BRF1: variants seen among roughly 807,000 people sequenced by gnomAD.
The protein encoded by BRF1 is transcription factor IIIB 90 kDa subunit.
Under a neutral mutation model 81.7 loss-of-function variants are expected in BRF1, and 59 were observed. The ratio of observed to expected loss-of-function variants is 0.72; its 90% CI spans 0.59 to 0.90. The LOEUF is 0.90. Among genes scored for constraint, BRF1 ranks in the 40% least tolerant of loss-of-function variants. The pLI, the probability that BRF1 is intolerant of heterozygous loss-of-function variation, is 0.00. For synonymous variants in BRF1, 491 were observed against 395.6 expected (o/e 1.24, Z -2.86); for missense variants, 1,050 against 936.3 (o/e 1.12, Z -1.58).
upstream of BRF1, among the ~76,000 whole-genome samples, chr14:105,302,366 G>A (rs2058065871): frequency 1.3e-5 from 2 of 151,460 alleles, no homozygotes. Flanking sequence ...ACCACACCTG[G>A]CTAATTTTGT....
Position 105,310,268 on chromosome 14 carries a change from C to T in BRF1, c.-162+5054G>A, listed in dbSNP as rs140259121. Among the ~76,000 whole-genome samples the T allele has an allele frequency of 4.4e-3, 669 of 150,980 alleles. 9 individuals are homozygous for T. The highest frequency in any genetic ancestry group is 0.015 in the African/African-American group (632 of 41,154). On this transcript the variant is annotated intron_variant, in intron 1 of 17. Coordinates refer to the BRF1 transcript ENST00000327359. ...CTAGTGAGCCAGGCACAGTGGCTCA[C>T]GCCTGTAATCCCAGCACTTTGGGAG...
intron 1 of BRF1, 84 bp downstream of exon 1, chr14:105,300,362 G>C (rs2057954977): frequency 7.4e-7 from 1 of 1,351,408 alleles, no homozygotes; most frequent in Non-Finnish European, 9.6e-7. Flanking sequence ...GTACCGAGGC[G>C]CTGGTCCCGG....
intron 4 of BRF1, among the ~76,000 whole-genome samples, chr14:105,253,983 T>C (rs1265688233): frequency 6.6e-6 from 1 of 152,218 alleles, no homozygotes; most frequent in Admixed American, 6.5e-5. Context: ...ACGCATGTCA[T>C]GTATGAGTGC....
chr14:105,281,779 C>G (rs1423605135), intron 2 of BRF1, among the ~76,000 whole-genome samples: 3 of 150,628 alleles, frequency 2.0e-5, no homozygotes, highest in Non-Finnish European at 4.4e-5. Flanking sequence ...CTATATGATT[C>G]CCACTGTATG....
chr14:105,227,389 C>T (rs975312389), intron 7 of BRF1: 36 of 152,610 alleles, frequency 2.4e-4, no homozygotes, highest in African/African-American at 8.4e-4. Context: ...CACTGTACTC[C>T]AGCCTGGGCG....
intron 15 of BRF1, among the ~76,000 whole-genome samples, chr14:105,215,160 T>C (rs945025758): frequency 2.6e-5 from 4 of 152,130 alleles, no homozygotes; most frequent in African/African-American, 9.7e-5. Context: ...CAGATGTGTG[T>C]GCACACAGAC....
At chr14:105,251,599 T>C (rs2140302619) in intron 5 of BRF1, among the ~76,000 whole-genome samples, 1 of 151,916 alleles carries the variant, frequency 6.6e-6, no homozygotes, top group African/African-American at 2.4e-5. Flanking sequence ...ATGGGCCGAG[T>C]GTATAGCCTC....
Position 105,257,117 on chromosome 14 carries a change from A to G in BRF1, c.440-568T>C, listed in dbSNP as rs76237882. On this transcript the variant is annotated intron_variant, in intron 3 of 17. Transcript: ENST00000547530. The stretch of plus-strand genomic sequence containing the variant: ...AGAGACAGGTGTGGGGACCCCGCAC[A>G]GGACCTGTCTTCGCTCAGATGAACA... Among the ~76,000 whole-genome samples the G allele has an allele frequency of 5.2e-4, 79 of 152,312 alleles. 3 individuals are homozygous for G. The East Asian group carries it at 0.015, about 28-fold the overall frequency.
At chr14:105,217,165 G>C (rs1891462575) in intron 15 of BRF1, 2 of 335,502 alleles carry the variant, frequency 6.0e-6, no homozygotes, top group Non-Finnish European at 1.1e-5. Context: ...CCTCAGCAGA[G>C]ACGGCAATGC....
Position 105,209,668 on chromosome 14 carries a change from GCT to G in BRF1, c.*881_*882del. On this transcript the variant is annotated 3_prime_UTR_variant, in exon 18 of 18. Coordinates refer to ENST00000547530, the MANE Select transcript of BRF1 (RefSeq NM_001519.4). ...CCTCCTCGATGGGGGGCCTGATCCA[GCT>G]CTGACAGGGAGCGCCACTGCCCTCT... 1 of 670,030 alleles carries G rather than the reference GCT, an allele frequency of 1.5e-6. No individual in the cohort carries two copies. The highest frequency in any genetic ancestry group is 2.7e-6 in the Non-Finnish European group (1 of 367,436). The allele number at this position is 670,030 out of a possible 1,614,324, so 41.5% of individuals were successfully genotyped here. A position where few individuals can be genotyped will look rare whatever the true frequency, so the allele number is the denominator to read the frequency against.
In BRF1 at chr14:105,228,992, C is replaced by T. The variant is rs1882847; in HGVS notation, c.695-79G>A. 3.0e-3 allele frequency: 3,927 copies of T among 1,298,396 alleles called. 9 individuals are homozygous for T. The highest frequency in any genetic ancestry group is 3.2e-3 in the Non-Finnish European group (2,875 of 900,810). 80.4% of individuals were successfully genotyped at this position (1,298,396 alleles called of 1,614,324 possible). ...TCTGTGGCGGCCCAGGACAACACTGCGGATCCCGGTCACGGAGATGATGGC... is the reference window on the plus strand; with the variant it reads ...TCTGTGGCGGCCCAGGACAACACTGTGGATCCCGGTCACGGAGATGATGGC... On this transcript the variant is annotated intron_variant, in intron 6 of 17. Coordinates refer to ENST00000547530, the MANE Select transcript of BRF1 (RefSeq NM_001519.4).
intron 3 of BRF1, among the ~76,000 whole-genome samples, chr14:105,258,468 G>A (rs1173887307): frequency 1.9e-4 from 26 of 137,940 alleles, no homozygotes; most frequent in Middle Eastern, 6.0e-3. Context: ...CAGCCTGGGC[G>A]ACAGAGCGAG....
intron 3 of BRF1, among the ~76,000 whole-genome samples, chr14:105,268,751 C>A (rs1454189602): frequency 1.3e-5 from 2 of 152,200 alleles, no homozygotes; most frequent in African/African-American, 4.8e-5. Flanking sequence ...GCTCACTGCA[C>A]AGGACCCTCC....
At chr14:105,248,425 G>A (rs1446312217) in intron 5 of BRF1, 10 of 985,238 alleles carry the variant, frequency 1.0e-5, no homozygotes, top group Non-Finnish European at 1.2e-5. Context: ...CCTCTGCACA[G>A]CGCGCGGCTC....
At chr14:105,250,317 T>G (rs1595386940) in intron 5 of BRF1, 1 of 1,612,788 alleles carries the variant, frequency 6.2e-7, no homozygotes. Flanking sequence ...GACAGAAGGG[T>G]ATTTATTGCA....
At chr14:105,254,241 C>T (rs765928216) in intron 4 of BRF1, among the ~76,000 whole-genome samples, 10 of 152,156 alleles carry the variant, frequency 6.6e-5, no homozygotes, top group Non-Finnish European at 1.3e-4. Context: ...GTGCAAAACG[C>T]GTGCAGTTTT....
Position 105,269,062 on chromosome 14 carries a change from C to G in BRF1, c.439+3659G>C, listed in dbSNP as rs1028490010. ...CAGGTCAGCAGGGAGGGAGAAGGCA[C>G]AGGGGCAGGAGAAAACAAGGAGGGC... On this transcript the variant is annotated intron_variant, in intron 3 of 17. Transcript: ENST00000547530. This position sits in a 1 kb window ranked among gnomAD's most constrained non-coding sequence, Gnocchi z 5.0. Among the ~76,000 whole-genome samples the G allele has an allele frequency of 1.3e-5, 2 of 152,124 alleles. No homozygotes were observed. The highest frequency in any genetic ancestry group is 2.9e-5 in the Non-Finnish European group (2 of 68,026).
intron 2 of BRF1, among the ~76,000 whole-genome samples, chr14:105,279,805 C>T (rs587594228): frequency 3.0e-4 from 45 of 152,318 alleles, no homozygotes; most frequent in African/African-American, 9.9e-4. Flanking sequence ...ACACCCTAGA[C>T]GTCCATCAAC....
In BRF1 at chr14:105,221,679, G is replaced by C; in HGVS notation, c.1284C>G (p.Arg428=). Residue 428 remains arginine (R), a synonymous_variant, in exon 11 of 18, where the codon CGC becomes CGG. Transcript: ENST00000547530. The stretch of plus-strand genomic sequence containing the variant: ...CGCTGCTCTGAGAGGAGATGCATTC[G>C]CGGATGGAGTCTGAGATGCCCAGGC... The part of the protein sequence containing the change: ...AASLGISDSI[R]ECISSQSSDP... The C allele has an allele frequency of 6.2e-7, 1 of 1,611,602 alleles. No individual in the cohort carries two copies. The highest frequency in any genetic ancestry group is 8.5e-7 in the Non-Finnish European group (1 of 1,179,888).
Sources: gnomAD v4.1 joint callset for allele counts (sites outside exome capture counted in the v4.1 genomes callset) on GRCh38, gnomAD v4.1.1 for gene constraint, Gnocchi (gnomAD v3.1) non-coding constraint, MANE v1.5 for transcripts, NCBI Gene and HGNC (gene_info 2026-07-23, HGNC 2026-07-21) for gene names.